The following MYO18B variants were observed in gnomAD, a reference collection of about 807,000 sequenced individuals.
MYO18B encodes the protein myosin XVIIIB.
In MYO18B, 204 loss-of-function variants were observed where a neutral mutation model predicts 273.0. The ratio of observed to expected loss-of-function variants is 0.75; its 90% confidence interval spans 0.67 to 0.84. The LOEUF is 0.84. Ranked by LOEUF, MYO18B falls within the 40% of genes least tolerant of loss-of-function variation. The pLI, the probability that MYO18B is intolerant of heterozygous loss-of-function variation, is 0.00. For synonymous variants in MYO18B, 1,330 were observed against 1,305.7 expected (o/e 1.02, Z -0.40); for missense variants, 3,212 against 3,287.6 (o/e 0.98, Z 0.56).
At chr22:25,747,448 G>C (rs935130297) in intron 1 of MYO18B, among the ~76,000 whole-genome samples, 1 of 152,160 alleles carries the variant, frequency 6.6e-6, no homozygotes, top group Admixed American at 6.5e-5. Flanking sequence ...AACATTATTG[G>C]CCATCCTGGC....
intron 42 of MYO18B, among the ~76,000 whole-genome samples, chr22:26,016,128 G>T (rs535967145): frequency 4.6e-5 from 7 of 152,298 alleles, no homozygotes; most frequent in Admixed American, 1.3e-4. Context: ...TCTCTGCATG[G>T]AAAGTGAAGG....
intron 4 of MYO18B, 25 bp from the exon 5 acceptor site, chr22:25,770,085 T>G (rs1190506534): frequency 1.9e-6 from 3 of 1,613,406 alleles, no homozygotes; most frequent in Non-Finnish European, 2.5e-6. Flanking sequence ...TTTGCTGGTT[T>G]AATTTACGTG....
At position 25,797,872 on chromosome 22, in the gene MYO18B, C is replaced by T. The variant is rs183727159; in HGVS notation, c.2377-81C>T. 7,212 of 1,595,046 alleles carry T rather than the reference C, an allele frequency of 4.5e-3. 65 individuals carry two copies. The highest frequency in any genetic ancestry group is 0.011 in the South Asian group (980 of 90,504). On this transcript the variant is annotated intron_variant, in intron 11 of 43. Transcript: ENST00000335473. Reference sequence around the variant, plus strand: ...AAATGACCCCCGCATTCCTTCGAGACGGAGCTCAGCTTCAAGTTGTGAGCT... The same window carrying T: ...AAATGACCCCCGCATTCCTTCGAGATGGAGCTCAGCTTCAAGTTGTGAGCT...
chr22:25,802,966 C>CTTT (rs557925408), intron 12 of MYO18B, among the ~76,000 whole-genome samples: 1 of 134,962 alleles, frequency 7.4e-6, no homozygotes, highest in African/African-American at 2.8e-5. Flanking sequence ...TTTTTTCTTT[C>CTTT]TTTTTTTTTT....
intron 15 of MYO18B, among the ~76,000 whole-genome samples, chr22:25,832,457 T>G (rs754562978): frequency 2.2e-4 from 34 of 152,080 alleles, no homozygotes; most frequent in Non-Finnish European, 2.6e-4. Flanking sequence ...GGAAGGACAT[T>G]CTGATAAAAT....
chr22:25,755,922 C>T (rs993050257), intron 1 of MYO18B, among the ~76,000 whole-genome samples: 3 of 150,692 alleles, frequency 2.0e-5, no homozygotes, highest in South Asian at 2.1e-4. Flanking sequence ...TTTTTTCTTT[C>T]CCCCCACCCC....
intron 11 of MYO18B, among the ~76,000 whole-genome samples, chr22:25,796,030 C>T (rs1351351835): frequency 1.3e-5 from 2 of 152,152 alleles, no homozygotes; most frequent in Non-Finnish European, 2.9e-5. Flanking sequence ...GTTCATCACC[C>T]AAGTTCTCTA....
At chr22:26,000,078 C>CT (rs1933805979) in intron 40 of MYO18B, among the ~76,000 whole-genome samples, 1 of 152,344 alleles carries the variant, frequency 6.6e-6, no homozygotes, top group Non-Finnish European at 1.5e-5. Context: ...GTCATCTGCC[C>CT]TTTGGGCCCC....
At position 25,768,531 on chromosome 22, in the gene MYO18B, C is replaced by T; in HGVS notation, c.615C>T (p.Ser205=). ...GGACTCCTTGTGGCTCCCAGGCCAGCACCGAGATCTTGGCCCCGAAAGCTG... is the reference window on the plus strand; with the variant it reads ...GGACTCCTTGTGGCTCCCAGGCCAGTACCGAGATCTTGGCCCCGAAAGCTG... ...TSRTPCGSQA[S]TEILAPKAEK... Residue 205 remains serine, a synonymous_variant, in exon 4 of 44, where the codon AGC becomes AGT. Transcript: ENST00000335473. 2 of 1,556,652 alleles carry T rather than the reference C, an allele frequency of 1.3e-6. No homozygotes were observed. Among genetic ancestry groups the T allele is most frequent in the South Asian group, 1.2e-5 (1 of 80,458 alleles).
intron 36 of MYO18B, among the ~76,000 whole-genome samples, chr22:25,948,452 TTCC>T (rs1569225219): frequency 4.3e-4 from 56 of 131,604 alleles, no homozygotes; most frequent in African/African-American, 1.8e-3. Context: ...CCTTCCTTCC[TTCC>T]TTCCTTCTTT....
At chr22:25,834,305 C>T (rs935460933) in intron 16 of MYO18B, among the ~76,000 whole-genome samples, 5 of 151,648 alleles carry the variant, frequency 3.3e-5, no homozygotes, top group African/African-American at 1.2e-4. Context: ...CACCACCACA[C>T]CCACCCTTAA....
At chr22:26,047,264 C>G in the MYO18B span, among the ~76,000 whole-genome samples, 1 of 151,792 alleles carries the variant, frequency 6.6e-6, no homozygotes, top group Admixed American at 6.6e-5. Context: ...GTAGCTGGGA[C>G]TACAGGCACC....
intron 42 of MYO18B, among the ~76,000 whole-genome samples, chr22:26,016,986 CCT>C (rs1198409380): frequency 6.6e-6 from 1 of 152,124 alleles, no homozygotes; most frequent in East Asian, 1.9e-4. Flanking sequence ...TCAGTTCCTT[CCT>C]CTCTGACTCC....
At chr22:25,870,728 C>T (rs1471833384) in intron 22 of MYO18B, among the ~76,000 whole-genome samples, 2 of 152,142 alleles carry the variant, frequency 1.3e-5, no homozygotes, top group African/African-American at 2.4e-5. Context: ...TTGCTAGAAA[C>T]ACCCCAGACC....
At chr22:25,801,364 C>G (rs1219333896) in intron 12 of MYO18B, among the ~76,000 whole-genome samples, 5 of 152,040 alleles carry the variant, frequency 3.3e-5, no homozygotes, top group Non-Finnish European at 7.4e-5. Context: ...TCTATTATGC[C>G]CTTGGATTGG....
rs771323447 is a variant in MYO18B at position 25,768,418 on chromosome 22, G to C, written c.502G>C (p.Glu168Gln). 32 of 1,613,538 alleles carry C rather than the reference G, an allele frequency of 2.0e-5. No homozygotes were observed. The East Asian group carries it at 6.5e-4, about 33-fold the overall frequency. Reference sequence around the variant, plus strand: ...GCTGGACCCGGACTCAGCCAAGCCAGAGAAGACTCATCCCCATGACGCCCC... The same window carrying C: ...GCTGGACCCGGACTCAGCCAAGCCACAGAAGACTCATCCCCATGACGCCCC... Reference protein sequence around the residue: ...AKLDPDSAKPEKTHPHDAPPC... With the variant: ...AKLDPDSAKPQKTHPHDAPPC... The change falls in exon 4 of 44, where the codon GAG becomes CAG. Residue 168 changes from glutamate (E) to glutamine (Q), a missense_variant. Physicochemically the swap from Glu to Gln is conservative, Grantham distance 29. Coordinates refer to ENST00000335473, the MANE Select transcript of MYO18B (RefSeq NM_032608.7).
intron 40 of MYO18B, among the ~76,000 whole-genome samples, chr22:26,001,363 G>A (rs1933935924): frequency 6.6e-6 from 1 of 152,186 alleles, no homozygotes; most frequent in Admixed American, 6.5e-5. Context: ...CTAGGGAATA[G>A]CAGCAACTGA....
chr22:25,755,707 C>T (rs2086094615), intron 1 of MYO18B, among the ~76,000 whole-genome samples: 1 of 152,156 alleles, frequency 6.6e-6, no homozygotes. Flanking sequence ...GTTCACGGGA[C>T]AGCTGCTTGT....
At position 25,846,027 on chromosome 22, in the gene MYO18B, T is replaced by C. The variant is rs2072012; in HGVS notation, c.3369-73T>C. ...CAGGAAGCAAGAAGGCTTGTTCCCT[T>C]TGCCACCACCCAGGCCAAGGCTTTC... On this transcript the variant is annotated intron_variant, in intron 18 of 43. Transcript: ENST00000335473. 518,806 of 1,346,134 alleles carry C rather than the reference T, an allele frequency of 0.39. 103,643 individuals are homozygous for C. The highest frequency in any genetic ancestry group is 0.69 in the East Asian group (25,170 of 36,590). The allele number at this position is 1,346,134 out of a possible 1,614,324, so 83.4% of individuals were successfully genotyped here.
Sources: gnomAD v4.1 joint callset for allele counts (sites outside exome capture counted in the v4.1 genomes callset) on GRCh38, gnomAD v4.1.1 for gene constraint, MANE v1.5 for transcripts, NCBI Gene and HGNC (gene_info 2026-07-23, HGNC 2026-07-21) for gene names.